Variants in HECW2 observed in about 807,000 individuals in gnomAD.
The protein encoded by HECW2 is E3 ubiquitin-protein ligase HECW2.
A neutral mutation model predicts 175.2 loss-of-function variants in HECW2; 61 were observed. The observed-to-expected ratio is 0.35, with a 90% confidence interval of 0.28 to 0.43. The LOEUF (loss-of-function observed/expected upper bound fraction) is 0.43, where lower values mean the gene tolerates loss of function less well. HECW2 is among the 20% of genes least tolerant of loss of function. The pLI is 1.00. For missense variants in HECW2, 1,524 were observed against 2,000.5 expected (o/e 0.76, Z 4.54); for synonymous variants, 671 against 731.0 (o/e 0.92, Z 1.32).
At chr2:196,276,443 T>A (rs1035702630) in intron 15 of HECW2, among the ~76,000 whole-genome samples, 3 of 152,178 alleles carry the variant, frequency 2.0e-5, no homozygotes, top group Non-Finnish European at 4.4e-5. Flanking sequence ...AATGAAAGTA[T>A]AGCTATTAAT....
At chr2:196,585,104 T>G (rs1301787881) in intron 1 of HECW2, among the ~76,000 whole-genome samples, 1 of 152,238 alleles carries the variant, frequency 6.6e-6, no homozygotes, top group Non-Finnish European at 1.5e-5. Context: ...TGATTCACTG[T>G]GGCCTAAGTA....
chr2:196,368,710 T>C (rs1437437363), intron 2 of HECW2, among the ~76,000 whole-genome samples: 1 of 152,118 alleles, frequency 6.6e-6, no homozygotes, highest in Non-Finnish European at 1.5e-5. Flanking sequence ...AAATAGCCTG[T>C]CTTCAAGATA....
Position 196,201,885 on chromosome 2 carries a change from G to A in HECW2, c.4608-497C>T, listed in dbSNP as rs549739484. Among the ~76,000 whole-genome samples, 38 of 152,306 alleles carry A rather than the reference G, an allele frequency of 2.5e-4. No individual in the cohort carries two copies. In the South Asian group the frequency reaches 7.9e-3, roughly 32 times the overall value. The stretch of plus-strand genomic sequence containing the variant: ...CTCTGAGGGCCTGCCTCATGGCTTA[G>A]AGTCTTGGGAAATTCCCTGGCTGGA... On this transcript the variant is annotated intron_variant, in intron 28 of 28. Transcript: ENST00000644978.
intron 17 of HECW2, among the ~76,000 whole-genome samples, chr2:196,270,225 G>A (rs1689675993): frequency 6.6e-6 from 1 of 152,168 alleles, no homozygotes; most frequent in African/African-American, 2.4e-5. Context: ...TACTAGCCTA[G>A]ATCATGAAAG....
intron 1 of HECW2, among the ~76,000 whole-genome samples, chr2:196,531,860 T>A (rs1006985098): frequency 6.6e-6 from 1 of 152,230 alleles, no homozygotes; most frequent in Admixed American, 6.5e-5. Flanking sequence ...GTCCATTAGA[T>A]CCCTATCACA....
chr2:196,436,947 T>A, intron 1 of HECW2, among the ~76,000 whole-genome samples: 1 of 152,142 alleles, frequency 6.6e-6, no homozygotes, highest in East Asian at 1.9e-4. Context: ...CTGAAAGTGA[T>A]AAAAACATAT....
At chr2:196,533,353 A>G (rs1180081801) in intron 1 of HECW2, among the ~76,000 whole-genome samples, 1 of 152,218 alleles carries the variant, frequency 6.6e-6, no homozygotes, top group Admixed American at 6.5e-5. Flanking sequence ...AATGTTTATT[A>G]TTGACGTGGG....
chr2:196,588,635 A>C (rs1411666833), intron 1 of HECW2, among the ~76,000 whole-genome samples: 1 of 152,218 alleles, frequency 6.6e-6, no homozygotes, highest in African/African-American at 2.4e-5. Flanking sequence ...TACATTATCA[A>C]TGTTTATCTA....
At chr2:196,577,077 G>C (rs1296364899) in intron 1 of HECW2, among the ~76,000 whole-genome samples, 2 of 152,152 alleles carry the variant, frequency 1.3e-5, no homozygotes, top group Non-Finnish European at 2.9e-5. Context: ...TAAGAAGAAG[G>C]AAAAGAGATA....
chr2:196,526,551 G>A (rs139568315), intron 1 of HECW2, among the ~76,000 whole-genome samples: 3,333 of 151,584 alleles, frequency 0.022, 112 homozygotes, highest in African/African-American at 0.075. Flanking sequence ...GAGGAGAGGC[G>A]CTCTGCGTTT....
chr2:196,324,621 T>C (rs1455817), intron 6 of HECW2, among the ~76,000 whole-genome samples: 148,877 of 152,270 alleles, frequency 0.98, 72,856 homozygotes, highest in Middle Eastern at 1. Flanking sequence ...CCTCAGGCCC[T>C]ACTATGACTC....
At chr2:196,458,631 C>T (rs1005792207) in intron 1 of HECW2, among the ~76,000 whole-genome samples, 1 of 151,798 alleles carries the variant, frequency 6.6e-6, no homozygotes, top group African/African-American at 2.4e-5. Flanking sequence ...ACTTTGGGAG[C>T]CCGAGGCGGG....
At chr2:196,314,546 T>G (rs1691618671) in intron 10 of HECW2, among the ~76,000 whole-genome samples, 1 of 152,126 alleles carries the variant, frequency 6.6e-6, no homozygotes, top group African/African-American at 2.4e-5. Flanking sequence ...TTAAACAAAT[T>G]ACTTAATTTA....
At chr2:196,477,953 G>A (rs1209850544) in intron 1 of HECW2, among the ~76,000 whole-genome samples, 1 of 152,166 alleles carries the variant, frequency 6.6e-6, no homozygotes, top group Non-Finnish European at 1.5e-5. Flanking sequence ...TAGGGGGGCT[G>A]AGGCAGAAGG....
intron 2 of HECW2, among the ~76,000 whole-genome samples, chr2:196,363,550 G>A (rs1325819760): frequency 6.6e-6 from 1 of 152,180 alleles, no homozygotes; most frequent in Non-Finnish European, 1.5e-5. Context: ...ATAAATCTAG[G>A]CCAGGAACCA....
At chr2:196,276,469 C>G (rs1257041501) in intron 15 of HECW2, among the ~76,000 whole-genome samples, 1 of 152,042 alleles carries the variant, frequency 6.6e-6, no homozygotes, top group African/African-American at 2.4e-5. Context: ...GCATGTTTTC[C>G]CAGAAAAATA....
chr2:196,317,487 A>C, intron 9 of HECW2, 118 bp from the exon 10 acceptor site: 1 of 735,822 alleles, frequency 1.4e-6, no homozygotes, highest in Non-Finnish European at 2.3e-6. Context: ...GTTTAGTCTC[A>C]TTTCCCATAT....
chr2:196,252,736 T>C (rs1363615251), intron 19 of HECW2, among the ~76,000 whole-genome samples: 1 of 152,222 alleles, frequency 6.6e-6, no homozygotes, highest in African/African-American at 2.4e-5. Context: ...GTTTTCTTTA[T>C]AGTTACACAA....
In HECW2 at chr2:196,320,674, G is replaced by A. The variant is rs1016782471; in HGVS notation, c.885-235C>T. Among the ~76,000 whole-genome samples, 12 of 152,262 alleles carry A rather than the reference G, an allele frequency of 7.9e-5. No homozygotes were observed. In the East Asian group the frequency reaches 1.7e-3, roughly 22 times the overall value. ...TTGCCATAAGAAAAATTATTATTAC[G>A]AGCACAAGACATCATATGCTATGTG... On this transcript the variant is annotated intron_variant, in intron 7 of 28. Transcript: ENST00000644978.
Sources: gnomAD v4.1 joint callset for allele counts (sites outside exome capture counted in the v4.1 genomes callset) on GRCh38, gnomAD v4.1.1 for gene constraint, MANE v1.5 for transcripts, NCBI Gene and HGNC (gene_info 2026-07-23, HGNC 2026-07-21) for gene names.